The following ABCC10 variants were observed in gnomAD, a reference collection of about 807,000 sequenced individuals.
The protein encoded by ABCC10 is ATP-binding cassette sub-family C member 10.
A neutral mutation model predicts 143.2 loss-of-function variants in ABCC10; 110 were observed. The observed-to-expected ratio is 0.77, with a 90% CI of 0.66 to 0.90. ABCC10 has a LOEUF of 0.90. ABCC10 is among the 40% of genes least tolerant of loss of function. The probability of loss-of-function intolerance (pLI) is 0.00; values close to 1 mark genes in which losing one functional copy is unlikely to be tolerated. For missense variants in ABCC10, 1,700 were observed against 1,900.5 expected (o/e 0.89, Z 1.96); for synonymous variants, 805 against 846.7 (o/e 0.95, Z 0.85).
intron 3 of ABCC10, 46 bp from the exon 4 acceptor site, chr6:43,434,575 G>T: frequency 1.3e-6 from 2 of 1,546,516 alleles, no homozygotes; most frequent in South Asian, 2.4e-5. Flanking sequence ...GAAGACACAT[G>T]AGCAGTGCCT....
downstream of ABCC10, chr6:43,450,577 C>G: frequency 1.3e-6 from 2 of 1,579,254 alleles, no homozygotes; most frequent in Middle Eastern, 3.4e-4. This position sits in a 1 kb window ranked among gnomAD's most constrained non-coding sequence, Gnocchi z 4.5. Flanking sequence ...GGGGGCAAGT[C>G]ACGTGGCAGG....
chr6:43,444,495 G>A, intron 12 of ABCC10, 142 bp downstream of exon 12: 1 of 1,180,104 alleles, frequency 8.5e-7, no homozygotes, highest in Non-Finnish European at 1.2e-6. Flanking sequence ...CTAATTCTGA[G>A]AGATGCCCAG....
rs1184355940 is a variant in ABCC10, at chr6:43,433,362, T to C, written c.1380+2T>C. The C allele has an allele frequency of 1.9e-6, 3 of 1,603,378 alleles. No individual in the cohort carries two copies. The highest frequency in any genetic ancestry group is 2.2e-5 in the East Asian group (1 of 44,680). ...CAGCACAAGGATGCGCGGGTTAAGG[T>C]GAGCGGGTACTTGGGGTCCCTCAGC... On this transcript the variant is annotated splice_donor_variant, in intron 3 of 21. Transcript: ENST00000372530. LOFTEE classifies it high-confidence loss of function.
chr6:43,446,713 C>A, intron 16 of ABCC10: 1 of 1,304,048 alleles, frequency 7.7e-7, no homozygotes, highest in Non-Finnish European at 9.7e-7. Flanking sequence ...CCCGTCCCCA[C>A]CACACTGCCC....
Position 43,443,044 on chromosome 6 carries a change from G to T in ABCC10, c.2301G>T (p.Arg767Ser). The T allele has an allele frequency of 1.2e-6, 2 of 1,613,226 alleles. No homozygotes were observed. Among genetic ancestry groups the T allele is most frequent in the Non-Finnish European group, 1.7e-6 (2 of 1,179,906 alleles). ...ATGTGGCCAACCACCTGCTGCACAG[G>T]TGCATCCTGGGCATGCTGAGCTACA... ...DADVANHLLH[R>S]CILGMLSYTT... The change falls in exon 10 of 22, where the codon AGG becomes AGT. Residue 767 changes from arginine (R) to serine (S), a missense_variant. By Grantham distance (110) the Arg-to-Ser change is moderately radical. Coordinates refer to ENST00000372530, the MANE Select transcript of ABCC10 (RefSeq NM_001198934.2). The surrounding 1 kb of genome is among the most constrained non-coding windows in gnomAD (Gnocchi z 4.2).
rs1782749776 is a variant in ABCC10, at chr6:43,443,996, AAG to A, written c.2483_2484del (p.Glu828ValfsTer2). On this transcript the variant is annotated frameshift_variant, in exon 11 of 22. Coordinates refer to ENST00000372530, the MANE Select transcript of ABCC10 (RefSeq NM_001198934.2). LOFTEE classifies it high-confidence loss of function. This position sits in a 1 kb window ranked among gnomAD's most constrained non-coding sequence, Gnocchi z 4.2. ...CCCAAAGCCTGGGCTGAGAATGGACAAGAGTCTGACTCAGGTATGGCTCCCCA... is the reference window on the plus strand; with the variant it reads ...CCCAAAGCCTGGGCTGAGAATGGACAAGTCTGACTCAGGTATGGCTCCCCA... 6.2e-7 allele frequency: 1 copy of A among 1,614,032 alleles called. No individual in the cohort carries two copies. The highest frequency in any genetic ancestry group is 1.3e-5 in the African/African-American group (1 of 74,948).
In ABCC10 at chr6:43,447,745, G is replaced by A. The variant is rs753804852; in HGVS notation, c.3767G>A (p.Arg1256Gln). Residue 1256 changes from arginine to glutamine, a missense_variant, in exon 18 of 22, where the codon CGG (arginine) becomes CAG (glutamine). By Grantham distance (43) the Arg-to-Gln change is conservative. Transcript: ENST00000372530. ...TTCCAGGACGTGGTGTTGGCGTACC[G>A]GCCAGGGCTGCCGAATGCCCTGGAT... is the stretch of plus-strand genomic sequence containing the variant. ...VEFQDVVLAY[R>Q]PGLPNALDGV... The A allele has an allele frequency of 1.3e-5, 21 of 1,613,888 alleles. No homozygotes were observed. The highest frequency in any genetic ancestry group is 8.0e-5 in the African/African-American group (6 of 74,918).
At chr6:43,450,498 T>G (rs1581807071), downstream of ABCC10, 1 of 1,519,802 alleles carries the variant, frequency 6.6e-7, no homozygotes, top group Admixed American at 2.2e-5. The surrounding 1 kb of genome is among the most constrained non-coding windows in gnomAD (Gnocchi z 4.5). Context: ...GTCTGAGGGG[T>G]GGAAGAGGTG....
intron 6 of ABCC10, 146 bp from the exon 7 acceptor site, chr6:43,437,788 G>A (rs1781909679): frequency 2.7e-6 from 2 of 750,902 alleles, no homozygotes; most frequent in African/African-American, 1.8e-5. Context: ...CCTGTGAAGC[G>A]GAGAATTCTT....
downstream of ABCC10, chr6:43,450,652 G>C (rs1783661544): frequency 3.7e-6 from 6 of 1,613,694 alleles, no homozygotes; most frequent in Non-Finnish European, 4.2e-6. This position sits in a 1 kb window ranked among gnomAD's most constrained non-coding sequence, Gnocchi z 4.5. Context: ...GCATAGTGTG[G>C]GGCAGGGTAG....
rs762589563 is a variant in ABCC10 at position 43,444,780 on chromosome 6, C to A, written c.2690-8C>A. 31 of 1,582,344 alleles carry A rather than the reference C, an allele frequency of 2.0e-5. No individual in the cohort carries two copies. The Middle Eastern group carries it at 5.1e-4, about 26-fold the overall frequency. On this transcript the variant is annotated splice_polypyrimidine_tract_variant and splice_region_variant and intron_variant, in intron 12 of 21. Transcript: ENST00000372530. ...TCTTACAGCTTTTTCCTTCCTGTCC[C>A]CACCCAGCCACGCGGAACGCTGCTG...
chr6:43,446,497 C>T (rs1235406496), intron 16 of ABCC10, 51 bp downstream of exon 16: 2 of 1,566,354 alleles, frequency 1.3e-6, no homozygotes, highest in Non-Finnish European at 1.7e-6. Context: ...TAGTCCACCG[C>T]TCTCCCAGAT....
chr6:43,442,766 T>C (rs1427680642), intron 9 of ABCC10, among the ~76,000 whole-genome samples: 2 of 151,182 alleles, frequency 1.3e-5, no homozygotes, highest in Non-Finnish European at 2.9e-5. Context: ...GCTGAGGGCC[T>C]GGGACCTAGG....
intron 1 of ABCC10, 66 bp from the exon 2 acceptor site, chr6:43,427,902 G>A: frequency 1.3e-6 from 2 of 1,576,644 alleles, no homozygotes; most frequent in Non-Finnish European, 1.7e-6. Context: ...AGGGAGACCC[G>A]GCTGGGAAGT....
At chr6:43,448,370 C>T (rs112156288) in intron 18 of ABCC10, among the ~76,000 whole-genome samples, 1 of 152,236 alleles carries the variant, frequency 6.6e-6, no homozygotes, top group East Asian at 1.9e-4. Flanking sequence ...TCTCTGAGTA[C>T]GGTGACATGG....
intron 15 of ABCC10, 62 bp downstream of exon 15, chr6:43,446,004 A>G: frequency 6.6e-7 from 1 of 1,519,706 alleles, no homozygotes; most frequent in Non-Finnish European, 8.9e-7. Flanking sequence ...GAGACCCCCA[A>G]GAAGAGGAAT....
At position 43,432,273 on chromosome 6, in the gene ABCC10, T is replaced by A. The variant is rs188446267; in HGVS notation, c.293T>A (p.Ile98Lys). 6.2e-7 allele frequency: 1 copy of A among 1,614,206 alleles called. No individual in the cohort carries two copies. The highest frequency in any genetic ancestry group is 1.1e-5 in the South Asian group (1 of 91,088). Residue 98 changes from isoleucine (I) to lysine (K), a missense_variant, in exon 3 of 22, where the codon ATA becomes AAA. By Grantham distance (102) the Ile-to-Lys change is moderately radical. Transcript: ENST00000372530. ...ALPPGAGPGPIGLEVLAGCVA... is the reference protein window; with the variant it reads ...ALPPGAGPGPKGLEVLAGCVA... ...CCACCAGGGGCAGGCCCAGGACCCA[T>A]AGGGCTAGAGGTGTTGGCAGGGTGC...
chr6:43,450,965 A>G (rs370014312), downstream of ABCC10: 7 of 1,614,240 alleles, frequency 4.3e-6, no homozygotes, highest in South Asian at 5.5e-5. This position sits in a 1 kb window ranked among gnomAD's most constrained non-coding sequence, Gnocchi z 4.5. Flanking sequence ...TCTTGCCACC[A>G]TAGCCACTGG....
chr6:43,429,413 G>T (rs1353145962), intron 2 of ABCC10, among the ~76,000 whole-genome samples: 2 of 2,934 alleles, frequency 6.8e-4, no homozygotes, highest in East Asian at 0.025. Context: ...TGTGTGTGGC[G>T]GGGGGGAGGG....
Sources: gnomAD v4.1 joint callset for allele counts (sites outside exome capture counted in the v4.1 genomes callset) on GRCh38, gnomAD v4.1.1 for gene constraint, Gnocchi (gnomAD v3.1) non-coding constraint, MANE v1.5 for transcripts, NCBI Gene and HGNC (gene_info 2026-07-23, HGNC 2026-07-21) for gene names.